The following FRMPD2 variants were observed in gnomAD, a reference collection of about 807,000 sequenced individuals.
FRMPD2 encodes the protein FERM and PDZ domain containing 2.
A neutral mutation model predicts 140.1 loss-of-function variants in FRMPD2; 96 were observed. The observed-to-expected ratio is 0.69, with a 90% confidence interval of 0.58 to 0.81. FRMPD2 has a LOEUF of 0.81. Among genes scored for constraint, FRMPD2 ranks in the 40% least tolerant of loss-of-function variants. The probability of loss-of-function intolerance (pLI) is 0.00; values close to 1 mark genes in which losing one functional copy is unlikely to be tolerated. For missense variants in FRMPD2, 1,240 were observed against 1,447.4 expected, an observed-to-expected ratio of 0.86 and a Z score of 2.32; for synonymous variants, 449 against 547.6, an observed-to-expected ratio of 0.82 and a Z score of 2.52.
chr10:48,239,570 C>T, intron 7 of FRMPD2, 35 bp downstream of exon 7: 1 of 1,524,064 alleles, frequency 6.6e-7, no homozygotes, highest in Non-Finnish European at 9.1e-7. Context: ...TGTCTCACAT[C>T]AAGTTCACAG....
At chr10:48,228,824 G>A (rs143230013) in intron 10 of FRMPD2, among the ~76,000 whole-genome samples, 46 of 152,046 alleles carry the variant, frequency 3.0e-4, no homozygotes, top group African/African-American at 1.1e-3. Context: ...TCTCTAGTTG[G>A]AGGCTAGTTG....
At chr10:48,260,533 C>A (rs1481259285) in intron 1 of FRMPD2, among the ~76,000 whole-genome samples, 1 of 152,152 alleles carries the variant, frequency 6.6e-6, no homozygotes, top group Non-Finnish European at 1.5e-5. Context: ...CCAGAAATAC[C>A]CTCACAGACA....
intron 12 of FRMPD2, among the ~76,000 whole-genome samples, chr10:48,213,483 C>G (rs924948116): frequency 6.6e-5 from 10 of 152,170 alleles, no homozygotes; most frequent in Non-Finnish European, 1.2e-4. Context: ...TTGGTAATTA[C>G]CAAAAGGAGT....
At chr10:48,224,868 T>C (rs908890780) in intron 10 of FRMPD2, among the ~76,000 whole-genome samples, 3 of 152,128 alleles carry the variant, frequency 2.0e-5, no homozygotes, top group African/African-American at 7.2e-5. Flanking sequence ...ACACAATTCC[T>C]AAAGACACCT....
chr10:48,174,653 AT>A (rs1207176419), intron 24 of FRMPD2, among the ~76,000 whole-genome samples: 2 of 150,288 alleles, frequency 1.3e-5, no homozygotes, highest in African/African-American at 4.9e-5. Context: ...GGGGGGTGAG[AT>A]TTTTTTTACT....
rs138367310 is a variant in FRMPD2 at position 48,249,912 on chromosome 10, G to T, written c.152-734C>A. 7.3e-4 allele frequency among the ~76,000 whole-genome samples: 111 copies of T among 152,164 alleles called. 1 individual carries two copies. In the East Asian group the frequency reaches 0.02, roughly 27 times the overall value. On this transcript the variant is annotated intron_variant, in intron 2 of 28. Transcript: ENST00000374201. ...CAGTGTGCAGCTTTCTCATTAGAGG[G>T]CTCTGAAGAGACACTATAGGAGGCC...
intron 7 of FRMPD2, among the ~76,000 whole-genome samples, chr10:48,238,390 T>A (rs1840020924): frequency 6.6e-6 from 1 of 152,190 alleles, no homozygotes; most frequent in African/African-American, 2.4e-5. Flanking sequence ...TACCTCTCTG[T>A]TTGTGGTGCC....
At chr10:48,236,664 G>A (rs1456870005) in intron 8 of FRMPD2, 111 bp from the exon 9 acceptor site, 1 of 995,772 alleles carries the variant, frequency 1.0e-6, no homozygotes, top group East Asian at 2.5e-5. Context: ...ATTCCCCAGA[G>A]CCAGCAGAAA....
In FRMPD2 at chr10:48,240,829, C is replaced by T. The variant is rs143717889; in HGVS notation, c.568-337G>A. Among the ~76,000 whole-genome samples, 206 of 152,336 alleles carry T rather than the reference C, an allele frequency of 1.4e-3. 1 individual carries two copies. Among genetic ancestry groups the T allele is most frequent in the Non-Finnish European group, 2.2e-3 (152 of 68,034 alleles). ...TACTTCTAAGCCTCTCTACCTCTGC[C>T]GTCTGATCACCTTCCCTTATCACTG... On this transcript the variant is annotated intron_variant, in intron 5 of 28. Transcript: ENST00000374201.
intron 27 of FRMPD2, 146 bp from the exon 28 acceptor site, chr10:48,163,817 T>G (rs1299198846): frequency 1.2e-5 from 8 of 695,170 alleles, no homozygotes; most frequent in African/African-American, 1.8e-5. Flanking sequence ...GCATCCCAGC[T>G]CCTCCACATG....
intron 7 of FRMPD2, 93 bp from the exon 8 acceptor site, chr10:48,238,216 G>A (rs1002050555): frequency 2.3e-6 from 3 of 1,328,560 alleles, no homozygotes; most frequent in African/African-American, 1.5e-5. Flanking sequence ...AGTTGGGCAG[G>A]GTGCACCCAC....
intron 1 of FRMPD2, among the ~76,000 whole-genome samples, chr10:48,255,833 T>C (rs572870555): frequency 6.6e-6 from 1 of 152,058 alleles, no homozygotes; most frequent in African/African-American, 2.4e-5. Flanking sequence ...ACAACAGAGT[T>C]TGGCAGATTC....
At chr10:48,231,670 C>G (rs551235093) in intron 10 of FRMPD2, among the ~76,000 whole-genome samples, 2 of 152,062 alleles carry the variant, frequency 1.3e-5, no homozygotes, top group Non-Finnish European at 2.9e-5. Context: ...CATTTTAGGT[C>G]GACAGCAGAA....
chr10:48,173,446 TC>T (rs1268341185), intron 24 of FRMPD2, among the ~76,000 whole-genome samples: 2 of 150,628 alleles, frequency 1.3e-5, no homozygotes, highest in Non-Finnish European at 3.0e-5. Flanking sequence ...GGTCCAGCTC[TC>T]CCCCATCTGG....
chr10:48,216,673 CCACACATGAATTGCCATCTTT>C (rs1419891990), intron 12 of FRMPD2, among the ~76,000 whole-genome samples: 2 of 152,160 alleles, frequency 1.3e-5, no homozygotes, highest in Admixed American at 1.3e-4. Flanking sequence ...ATGCTAGATA[CCACACATGAATTGCCATCTTT>C]CACCCTTACA....
intron 8 of FRMPD2, among the ~76,000 whole-genome samples, chr10:48,237,291 A>G (rs1416888370): frequency 6.6e-6 from 1 of 152,190 alleles, no homozygotes; most frequent in Non-Finnish European, 1.5e-5. Flanking sequence ...AGAGTTCCCA[A>G]TAGAAGTATC....
intron 2 of FRMPD2, among the ~76,000 whole-genome samples, chr10:48,249,984 T>A (rs965974111): frequency 6.6e-6 from 1 of 152,188 alleles, no homozygotes; most frequent in Non-Finnish European, 1.5e-5. Flanking sequence ...TGAGGCCACC[T>A]GGAGGTTGGG....
chr10:48,226,827 AC>A (rs1453691283), intron 10 of FRMPD2, among the ~76,000 whole-genome samples: 1 of 152,236 alleles, frequency 6.6e-6, no homozygotes, highest in Non-Finnish European at 1.5e-5. Context: ...GCCACATAAA[AC>A]ATTTATTATG....
At chr10:48,205,686 GA>G (rs1203125317) in intron 14 of FRMPD2, among the ~76,000 whole-genome samples, 3 of 151,648 alleles carry the variant, frequency 2.0e-5, no homozygotes, top group South Asian at 2.1e-4. Flanking sequence ...AAAATAATTT[GA>G]AAAAAAGTCA....
Sources: gnomAD v4.1 joint callset for allele counts (sites outside exome capture counted in the v4.1 genomes callset) on GRCh38, gnomAD v4.1.1 for gene constraint, MANE v1.5 for transcripts, NCBI Gene and HGNC (gene_info 2026-07-23, HGNC 2026-07-21) for gene names.